Variants in RALGDS observed in about 807,000 individuals in gnomAD.
RALGDS encodes ral guanine nucleotide dissociation stimulator.
A neutral mutation model predicts 99.8 loss-of-function variants in RALGDS; 44 were observed. That is an observed-to-expected ratio of 0.44 (90% CI 0.35 to 0.57). RALGDS has a LOEUF of 0.57. Among genes scored for constraint, RALGDS ranks in the 20% least tolerant of loss-of-function variants. The pLI is 0.01. For synonymous variants in RALGDS, 529 were observed against 505.0 expected, an observed-to-expected ratio of 1.05 and a Z score of -0.64; for missense variants, 1,022 against 1,203.1, an observed-to-expected ratio of 0.85 and a Z score of 2.23.
chr9:133,121,036 G>C lies in RALGDS; in HGVS notation c.119C>G (p.Pro40Arg). ...GTGCAGCACCACCGGGCAGCTGTCG[G>C]GGACGCCCACCTCCAGGCGCACGGC... ...WDAVRLEVGVPDSCPVVLHSF... is the reference protein window; with the variant it reads ...WDAVRLEVGVRDSCPVVLHSF... Residue 40 changes from proline to arginine, a missense_variant, in exon 1 of 18, where the codon CCC (proline) becomes CGC (arginine). This residue lies in a region of RALGDS where 180 missense variants were observed against 169.3 expected (regional missense o/e 1.06). Coordinates refer to ENST00000372050, the MANE Select transcript of RALGDS (RefSeq NM_006266.4). The C allele has an allele frequency of 6.7e-7, 1 of 1,495,412 alleles. No homozygotes were observed. Among genetic ancestry groups the C allele is most frequent in the South Asian group, 1.2e-5 (1 of 80,134 alleles). 92.6% of individuals were successfully genotyped at this position (1,495,412 alleles called of 1,614,324 possible).
Position 133,119,828 on chromosome 9 carries a change from G to A in RALGDS, c.183+1144C>T, listed in dbSNP as rs75831449. ...GTGGTGTTCCCCCACCAAGAGCTCT[G>A]CCCAACACTGGGCGGAGAAACAAGT... On this transcript the variant is annotated intron_variant, in intron 1 of 17. Transcript: ENST00000372050. 7.9e-3 allele frequency among the ~76,000 whole-genome samples: 1,196 copies of A among 152,264 alleles called. 17 individuals carry two copies. The highest frequency in any genetic ancestry group is 0.027 in the African/African-American group (1,140 of 41,538).
Position 133,110,497 on chromosome 9 carries a change from G to T in RALGDS, c.295-8C>A. On this transcript the variant is annotated splice_region_variant and splice_polypyrimidine_tract_variant and intron_variant, in intron 2 of 17. Coordinates refer to ENST00000372050, the MANE Select transcript of RALGDS (RefSeq NM_006266.4). ...GGCCGACTCATTCTCATACTGGGGT[G>T]GGACAGAGGAGGGACAGACAGTCAG... 1 of 1,608,244 alleles carries T rather than the reference G, an allele frequency of 6.2e-7. No individual in the cohort carries two copies. Among genetic ancestry groups the T allele is most frequent in the African/African-American group, 1.3e-5 (1 of 74,982 alleles).
At chr9:133,104,428 G>T in intron 9 of RALGDS, 97 bp from the exon 10 acceptor site, 4 of 1,137,460 alleles carry the variant, frequency 3.5e-6, no homozygotes, top group South Asian at 2.5e-5. Context: ...TTCCAGGGCT[G>T]ACCCTGTATC....
At chr9:133,100,930 G>A in intron 16 of RALGDS, 1 of 1,044,746 alleles carries the variant, frequency 9.6e-7, no homozygotes, top group Non-Finnish European at 1.2e-6. Flanking sequence ...GAATAATGGG[G>A]CACCTGACCC....
chr9:133,147,058 A>G (rs1180254664), intron 1 of RALGDS, among the ~76,000 whole-genome samples: 2 of 152,218 alleles, frequency 1.3e-5, no homozygotes, highest in African/African-American at 4.8e-5. Context: ...GCTGTACATT[A>G]GGGTAGTGTT....
In RALGDS at chr9:133,108,105, T is replaced by C. The variant is rs1454286213; in HGVS notation, c.1080A>G (p.Ser360=). 7.4e-6 allele frequency: 12 copies of C among 1,613,572 alleles called. No homozygotes were observed. The Admixed American group carries it at 1.8e-4, about 25-fold the overall frequency. ...CAGGTGAAGGCCAGGAAGGCTGTAA[T>C]GATGGAACTGGTGCTGGAGCTGGCT... is the stretch of plus-strand genomic sequence containing the variant. ...ELEPAPAPVP[S]LQPSWPSPVV... is the part of the protein sequence containing the mutation. Residue 360 remains serine (S), a synonymous_variant, in exon 6 of 18, where the codon TCA becomes TCG. Transcript: ENST00000372050.
upstream of RALGDS, among the ~76,000 whole-genome samples, chr9:133,133,346 C>T (rs1163376324): frequency 6.6e-6 from 1 of 152,222 alleles, no homozygotes; most frequent in Admixed American, 6.5e-5. Flanking sequence ...CGCAGAAATG[C>T]AGGAGTCCCG....
Position 133,103,854 on chromosome 9 carries a change from G to A in RALGDS, c.1672-21C>T, listed in dbSNP as rs201152140. Reference sequence around the variant, plus strand: ...ATGCCCTGTGACATTGGGGTAGGAGGATGAGCAAGGCCCCTCCCCTGAAGG... The same window carrying A: ...ATGCCCTGTGACATTGGGGTAGGAGAATGAGCAAGGCCCCTCCCCTGAAGG... On this transcript the variant is annotated intron_variant, in intron 10 of 17. Transcript: ENST00000372050. 6.2e-6 allele frequency: 10 copies of A among 1,605,916 alleles called. No homozygotes were observed. In the Admixed American group the frequency reaches 1.0e-4, roughly 16 times the overall value.
upstream of RALGDS, among the ~76,000 whole-genome samples, chr9:133,123,301 G>A (rs943506950): frequency 2.0e-5 from 3 of 152,140 alleles, no homozygotes; most frequent in African/African-American, 4.8e-5. Flanking sequence ...TATCTCCTTC[G>A]CTGAGTGATG....
At chr9:133,107,791 TA>T (rs1831146481) in intron 6 of RALGDS, among the ~76,000 whole-genome samples, 196 bp downstream of exon 6, 2 of 152,238 alleles carry the variant, frequency 1.3e-5, no homozygotes, top group South Asian at 2.1e-4. Flanking sequence ...CTCTGGAGGA[TA>T]GGGGTGACCT....
At chr9:133,133,629 G>A (rs1038461832), upstream of RALGDS, among the ~76,000 whole-genome samples, 2 of 152,220 alleles carry the variant, frequency 1.3e-5, no homozygotes, top group African/African-American at 4.8e-5. Flanking sequence ...TCAGGAGCTG[G>A]GCCTAGTGAG....
chr9:133,103,405 G>T (rs567740035), intron 11 of RALGDS, 143 bp from the exon 12 acceptor site: 1 of 1,037,098 alleles, frequency 9.6e-7, no homozygotes, highest in Non-Finnish European at 1.5e-6. Flanking sequence ...GGGCACCAGG[G>T]CAAGGGGACA....
chr9:133,142,890 G>C (rs1204025814), intron 1 of RALGDS, among the ~76,000 whole-genome samples: 2 of 152,220 alleles, frequency 1.3e-5, no homozygotes, highest in Non-Finnish European at 2.9e-5. Context: ...ATGTGGTCCT[G>C]GTGCCTGGCC....
intron 1 of RALGDS, among the ~76,000 whole-genome samples, chr9:133,127,357 G>A (rs555562493): frequency 2.6e-5 from 4 of 152,386 alleles, no homozygotes; most frequent in South Asian, 2.1e-4. Flanking sequence ...GGCCAAGGCC[G>A]GGAGGAATGG....
intron 4 of RALGDS, 71 bp downstream of exon 4, chr9:133,109,555 C>T: frequency 7.1e-7 from 1 of 1,410,556 alleles, no homozygotes; most frequent in South Asian, 1.1e-5. Flanking sequence ...CGGCTCCGGC[C>T]CCAGCCCCAT....
exon 1 of RALGDS, chr9:133,130,985 C>A (rs1308689575): frequency 6.5e-7 from 1 of 1,535,648 alleles, no homozygotes; most frequent in African/African-American, 1.4e-5. Context: ...GATGCCCAGT[C>A]CCTGGCTGCA....
intron 1 of RALGDS, among the ~76,000 whole-genome samples, chr9:133,127,005 T>C (rs1432830053): frequency 1.3e-5 from 2 of 152,172 alleles, no homozygotes; most frequent in Non-Finnish European, 2.9e-5. Context: ...ACTGGCTTGG[T>C]GTGGCCCCAG....
chr9:133,148,837 CG>C, intron 1 of RALGDS: 2 of 1,220,230 alleles, frequency 1.6e-6, no homozygotes, highest in Non-Finnish European at 2.3e-6. Flanking sequence ...GGGTTGGACG[CG>C]GAGCTGCGTA....
At chr9:133,138,423 C>G (rs977641573) in intron 1 of RALGDS, among the ~76,000 whole-genome samples, 1 of 152,220 alleles carries the variant, frequency 6.6e-6, no homozygotes, top group African/African-American at 2.4e-5. Context: ...TGACAAAGGA[C>G]AGCAAGGTAC....
Sources: allele counts gnomAD v4.1 joint callset (sites outside exome capture counted in the v4.1 genomes callset), GRCh38; gene constraint gnomAD v4.1.1; regional missense constraint gnomAD v4.1.1; transcripts MANE v1.5; gene names NCBI Gene and HGNC (gene_info 2026-07-23, HGNC 2026-07-21).